The following PIK3C3 variants were observed in gnomAD, a reference collection of about 807,000 sequenced individuals.
PIK3C3 encodes PI3-kinase type 3.
In PIK3C3, 95 loss-of-function variants were observed where a neutral mutation model predicts 126.1. The observed-to-expected ratio is 0.75, with a 90% CI of 0.64 to 0.89. The LOEUF (loss-of-function observed/expected upper bound fraction) is 0.89, where lower values mean the gene tolerates loss of function less well. Among genes scored for constraint, PIK3C3 ranks in the 40% least tolerant of loss-of-function variants. PIK3C3 has a pLI of 0.00. For synonymous variants in PIK3C3, 374 were observed against 360.0 expected (o/e 1.04, Z -0.44); for missense variants, 829 against 1,063.2 (o/e 0.78, Z 3.06).
intron 18 of PIK3C3, among the ~76,000 whole-genome samples, chr18:42,039,732 C>T (rs1323843375): frequency 1.3e-5 from 2 of 152,172 alleles, no homozygotes; most frequent in East Asian, 1.9e-4. Context: ...GTTAGGTCTC[C>T]TTACACTACT....
chr18:42,052,454 C>T (rs1458834625), intron 21 of PIK3C3, among the ~76,000 whole-genome samples: 1 of 152,082 alleles, frequency 6.6e-6, no homozygotes, highest in Non-Finnish European at 1.5e-5. Flanking sequence ...ATTATTTCAT[C>T]CAGTTACATT....
chr18:41,962,466 T>A, intron 2 of PIK3C3, 23 bp from the exon 3 acceptor site: 1 of 1,583,664 alleles, frequency 6.3e-7, no homozygotes, highest in Non-Finnish European at 8.6e-7. Flanking sequence ...TATTTCTGAT[T>A]TATGTTAACT....
At chr18:42,054,829 A>G (rs1192926710) in intron 21 of PIK3C3, among the ~76,000 whole-genome samples, 1 of 152,084 alleles carries the variant, frequency 6.6e-6, no homozygotes, top group African/African-American at 2.4e-5. Flanking sequence ...TGAATGAGAT[A>G]AGTAGACTTT....
In PIK3C3 at chr18:42,076,145, C is replaced by T. The variant is rs78655439; in HGVS notation, c.2650-4978C>T. ...ATGCGCATATATATATATATATATG[C>T]GCATATATATATATATGCACATATA... On this transcript the variant is annotated intron_variant, in intron 24 of 24. Transcript: ENST00000262039. Among the ~76,000 whole-genome samples the T allele has an allele frequency of 7.0e-3, 184 of 26,190 alleles. 9 individuals carry two copies. The Middle Eastern group carries it at 0.083, about 12-fold the overall frequency. 17.2% of individuals were successfully genotyped at this position (26,190 alleles called of 152,430 possible). A position where few individuals can be genotyped will look rare whatever the true frequency, so the allele number is the denominator to read the frequency against.
chr18:41,996,852 A>G, intron 9 of PIK3C3, 122 bp downstream of exon 9: 1 of 492,392 alleles, frequency 2.0e-6, no homozygotes. Context: ...ACAGAGCAGT[A>G]TATATGAGAC....
In PIK3C3 at chr18:42,081,491, T is replaced by G. The variant is rs1986249127; in HGVS notation, c.*354T>G. On this transcript the variant is annotated 3_prime_UTR_variant, in exon 25 of 25. Coordinates refer to ENST00000262039, the MANE Select transcript of PIK3C3 (RefSeq NM_002647.4). ...TTAGTTTTTGAGTTTAAAATGTTAT[T>G]TTTTCCTCTTATATCTTCATATCAG... The G allele has an allele frequency of 9.0e-6, 2 of 221,232 alleles. 1 individual carries two copies. Among genetic ancestry groups the G allele is most frequent in the East Asian group, 1.5e-4 (2 of 13,170 alleles). 13.7% of individuals were successfully genotyped at this position (221,232 alleles called of 1,614,324 possible).
intron 24 of PIK3C3, among the ~76,000 whole-genome samples, chr18:42,068,827 G>A (rs1224421245): frequency 6.6e-6 from 1 of 151,908 alleles, no homozygotes; most frequent in Non-Finnish European, 1.5e-5. Context: ...GCGGGCGCCT[G>A]TAGTCCCAGC....
chr18:42,077,290 A>G (rs1340431180), intron 24 of PIK3C3, among the ~76,000 whole-genome samples: 1 of 152,182 alleles, frequency 6.6e-6, no homozygotes, highest in Non-Finnish European at 1.5e-5. Context: ...GTAGTTGTAA[A>G]TCTGTGAAGT....
At chr18:42,066,578 C>G (rs1985547486) in intron 23 of PIK3C3, among the ~76,000 whole-genome samples, 1 of 152,110 alleles carries the variant, frequency 6.6e-6, no homozygotes. Context: ...TCAATTTCTG[C>G]ATATTATCGA....
chr18:41,982,461 G>A (rs1455884610), intron 4 of PIK3C3, among the ~76,000 whole-genome samples: 1 of 151,998 alleles, frequency 6.6e-6, no homozygotes, highest in African/African-American at 2.4e-5. Context: ...TAATGAGATA[G>A]GGCTTTATTC....
At chr18:41,965,921 G>T (rs987870733) in intron 3 of PIK3C3, among the ~76,000 whole-genome samples, 1 of 152,066 alleles carries the variant, frequency 6.6e-6, no homozygotes, top group African/African-American at 2.4e-5. Context: ...ACTTAAATTT[G>T]TTTTCTGCCA....
chr18:42,021,397 A>G (rs1983314896), intron 13 of PIK3C3, among the ~76,000 whole-genome samples: 1 of 152,142 alleles, frequency 6.6e-6, no homozygotes. Flanking sequence ...TCCTGAAGAG[A>G]AAAAGGCAAG....
chr18:42,069,437 A>G (rs1985684741), intron 24 of PIK3C3, among the ~76,000 whole-genome samples: 1 of 152,070 alleles, frequency 6.6e-6, no homozygotes, highest in African/African-American at 2.4e-5. Context: ...AAATATTTTG[A>G]CTCCCATATT....
At chr18:42,027,370 AATGAT>A in intron 13 of PIK3C3, 68 bp from the exon 14 acceptor site, 1 of 742,528 alleles carries the variant, frequency 1.3e-6, no homozygotes, top group East Asian at 3.0e-5. Flanking sequence ...GTTTTAGTGA[AATGAT>A]ATGAGTATTT....
At chr18:41,961,953 A>T (rs1377149856) in intron 2 of PIK3C3, among the ~76,000 whole-genome samples, 1 of 152,198 alleles carries the variant, frequency 6.6e-6, no homozygotes, top group Non-Finnish European at 1.5e-5. Flanking sequence ...TCATTTGAGG[A>T]ACAGAAAATT....
At chr18:42,009,181 A>G (rs1982686910) in intron 10 of PIK3C3, among the ~76,000 whole-genome samples, 1 of 152,200 alleles carries the variant, frequency 6.6e-6, no homozygotes, top group Non-Finnish European at 1.5e-5. Flanking sequence ...ATAATAGAAA[A>G]TCAGATGTTT....
At chr18:41,975,208 A>G (rs993034686) in intron 4 of PIK3C3, among the ~76,000 whole-genome samples, 1 of 152,158 alleles carries the variant, frequency 6.6e-6, no homozygotes, top group African/African-American at 2.4e-5. Flanking sequence ...TGGATTTTTT[A>G]AGTTCATTTA....
intron 4 of PIK3C3, among the ~76,000 whole-genome samples, chr18:41,987,305 G>A (rs1391425182): frequency 6.6e-6 from 1 of 152,038 alleles, no homozygotes. Context: ...GAAAATTGAA[G>A]TCTTTTATCA....
chr18:42,068,484 A>C (rs1456824570), intron 24 of PIK3C3, among the ~76,000 whole-genome samples: 1 of 152,132 alleles, frequency 6.6e-6, no homozygotes, highest in Admixed American at 6.5e-5. Flanking sequence ...ACATGGCAAA[A>C]TCCAACCTGT....
Sources: gnomAD v4.1 joint callset for allele counts (sites outside exome capture counted in the v4.1 genomes callset) on GRCh38, gnomAD v4.1.1 for gene constraint, MANE v1.5 for transcripts, NCBI Gene and HGNC (gene_info 2026-07-23, HGNC 2026-07-21) for gene names.